ZNF609: variants seen among roughly 807,000 people sequenced by gnomAD.
The protein encoded by ZNF609 is zinc finger protein 609.
ZNF609 carries 11 observed loss-of-function variants against 109.5 expected under a neutral mutation model. The ratio of observed to expected loss-of-function variants is 0.10; its 90% CI spans 0.06 to 0.17. The LOEUF (loss-of-function observed/expected upper bound fraction) is 0.17. ZNF609 is among the 10% of genes least tolerant of loss of function. ZNF609 has a pLI of 1.00. For missense variants in ZNF609, 1,559 were observed against 1,772.4 expected, an observed-to-expected ratio of 0.88 and a Z score of 2.16; for synonymous variants, 646 against 662.0, an observed-to-expected ratio of 0.98 and a Z score of 0.37.
chr15:64,673,134 C>A (rs949617076), intron 4 of ZNF609, among the ~76,000 whole-genome samples: 2 of 152,146 alleles, frequency 1.3e-5, no homozygotes, highest in Non-Finnish European at 2.9e-5. Flanking sequence ...AACAAGGAAG[C>A]AGTAAGTAGC....
chr15:64,593,285 C>G (rs1308501970), intron 2 of ZNF609: 3 of 1,493,648 alleles, frequency 2.0e-6, no homozygotes, highest in African/African-American at 2.7e-5. Context: ...CCGATTTAGA[C>G]CTGCGGGTGC....
chr15:64,543,512 C>T (rs184854482), intron 2 of ZNF609, among the ~76,000 whole-genome samples: 46 of 150,582 alleles, frequency 3.1e-4, no homozygotes, highest in Middle Eastern at 6.8e-3. Flanking sequence ...GGCGTGATCT[C>T]GGCTCACTGC....
chr15:64,479,993 G>T (rs1419882767), intron 1 of ZNF609, among the ~76,000 whole-genome samples: 1 of 34,102 alleles, frequency 2.9e-5, no homozygotes, highest in Non-Finnish European at 1.6e-4. Flanking sequence ...CTAACACTTT[G>T]GGAGGCTTGA....
chr15:64,681,944 A>G lies in ZNF609; in HGVS notation c.*258A>G, dbSNP rs8034064. 13,004 of 153,156 alleles carry G rather than the reference A, an allele frequency of 0.085. 1,848 individuals are homozygous for G. The highest frequency in any genetic ancestry group is 0.3 in the African/African-American group (12,245 of 41,458). 9.5% of individuals were successfully genotyped at this position (153,156 alleles called of 1,614,324 possible). On this transcript the variant is annotated 3_prime_UTR_variant, in exon 10 of 10. Transcript: ENST00000326648. ...TATTCTCTCAGCCACAGTTATGACT[A>G]TTGTGGCCTCTGTGGAGATGAAGGC...
Position 64,609,477 on chromosome 15 carries a change from G to A in ZNF609, c.748-13350G>A, listed in dbSNP as rs998316031. Among the ~76,000 whole-genome samples, 32 of 150,682 alleles carry A rather than the reference G, an allele frequency of 2.1e-4. No homozygotes were observed. The East Asian group carries it at 5.5e-3, about 26-fold the overall frequency. On this transcript the variant is annotated intron_variant, in intron 2 of 9. Coordinates refer to ENST00000326648, the MANE Select transcript of ZNF609 (RefSeq NM_015042.2). ...ATTACAGGCATGAGCCACCGCGCCCGGCCGTATTTTTTTATAGAGACGGGG... is the reference window on the plus strand; with the variant it reads ...ATTACAGGCATGAGCCACCGCGCCCAGCCGTATTTTTTTATAGAGACGGGG...
chr15:64,612,429 G>T (rs927798282), intron 2 of ZNF609, among the ~76,000 whole-genome samples: 1 of 151,780 alleles, frequency 6.6e-6, no homozygotes, highest in African/African-American at 2.4e-5. Context: ...GATTACAGGC[G>T]TGAGCCACTG....
chr15:64,551,730 A>G (rs1262299439), intron 2 of ZNF609, among the ~76,000 whole-genome samples: 8 of 150,080 alleles, frequency 5.3e-5, no homozygotes, highest in Admixed American at 4.0e-4. Flanking sequence ...ACAAGAGAAC[A>G]GCTGATCAAT....
chr15:64,657,920 T>G (rs1364172013), intron 3 of ZNF609, among the ~76,000 whole-genome samples: 1 of 152,158 alleles, frequency 6.6e-6, no homozygotes, highest in East Asian at 1.9e-4. Context: ...AGTTTCCTGC[T>G]TCCTTTACAG....
intron 3 of ZNF609, among the ~76,000 whole-genome samples, chr15:64,662,663 A>G (rs1896596062): frequency 6.7e-6 from 1 of 150,168 alleles, no homozygotes; most frequent in Admixed American, 6.7e-5. Flanking sequence ...TTCTACTAAA[A>G]CTAATAATTT....
intron 1 of ZNF609, among the ~76,000 whole-genome samples, chr15:64,499,042 C>T (rs1893520952): frequency 6.6e-6 from 1 of 152,050 alleles, no homozygotes; most frequent in African/African-American, 2.4e-5. Flanking sequence ...CTAGAGGACT[C>T]CTAGTTAAGA....
Position 64,675,524 on chromosome 15 carries a change from A to T in ZNF609, c.2670A>T (p.Pro890=), listed in dbSNP as rs182944853. The change falls in exon 5 of 10, where the codon CCA becomes CCT. Residue 890 remains proline (P), a synonymous_variant. Transcript: ENST00000326648. The part of the protein sequence containing the change: ...FPPQPQSKDS[P]YYQGFESYYS... ...CTCAGCCTCAGAGCAAAGACTCACC[A>T]TATTACCAAGGCTTTGAGAGTTACT... 1 of 1,614,206 alleles carries T rather than the reference A, an allele frequency of 6.2e-7. No individual in the cohort carries two copies. Among genetic ancestry groups the T allele is most frequent in the Non-Finnish European group, 8.5e-7 (1 of 1,180,044 alleles).
chr15:64,506,844 T>C (rs1893644887), intron 2 of ZNF609, among the ~76,000 whole-genome samples: 1 of 152,156 alleles, frequency 6.6e-6, no homozygotes, highest in Non-Finnish European at 1.5e-5. Context: ...TGAGTGGAAA[T>C]TGGTCTTAGT....
At chr15:64,668,085 C>A (rs1896676587) in intron 3 of ZNF609, among the ~76,000 whole-genome samples, 1 of 151,928 alleles carries the variant, frequency 6.6e-6, no homozygotes, top group Admixed American at 6.6e-5. Flanking sequence ...CCCTAGGGGG[C>A]CAGAAGAAAG....
chr15:64,479,195 A>G (rs1306242145), intron 1 of ZNF609, among the ~76,000 whole-genome samples: 1 of 151,236 alleles, frequency 6.6e-6, no homozygotes, highest in African/African-American at 2.4e-5. Flanking sequence ...AAAGAAATTC[A>G]GTTATAACAA....
At chr15:64,610,460 ATGTACCCC>A (rs1156918552) in intron 2 of ZNF609, among the ~76,000 whole-genome samples, 1 of 152,108 alleles carries the variant, frequency 6.6e-6, no homozygotes, top group African/African-American at 2.4e-5. Context: ...AAACCTGCAT[ATGTACCCC>A]TGAACTTAAA....
chr15:64,552,275 G>C (rs1483677345), intron 2 of ZNF609, among the ~76,000 whole-genome samples: 1 of 152,156 alleles, frequency 6.6e-6, no homozygotes, highest in Non-Finnish European at 1.5e-5. Flanking sequence ...TATTCCTGAA[G>C]TTTTGTAGTT....
chr15:64,529,208 G>A, intron 2 of ZNF609: 1 of 728,582 alleles, frequency 1.4e-6, no homozygotes, highest in East Asian at 2.6e-5. Context: ...CTAAGCAGTT[G>A]GTGATGCAGG....
chr15:64,599,314 G>A (rs577097866), intron 2 of ZNF609, among the ~76,000 whole-genome samples: 1 of 151,276 alleles, frequency 6.6e-6, no homozygotes, highest in South Asian at 2.1e-4. Context: ...TTTTCTTTCA[G>A]TGATGGACTG....
intron 2 of ZNF609, among the ~76,000 whole-genome samples, chr15:64,577,304 CATATATGT>C (rs1177549918): frequency 5.7e-5 from 1 of 17,438 alleles, no homozygotes; most frequent in African/African-American, 8.0e-5. Flanking sequence ...CAAATATATA[CATATATGT>C]ATATATATAC....
Sources: gnomAD v4.1 joint callset for allele counts (sites outside exome capture counted in the v4.1 genomes callset) on GRCh38, gnomAD v4.1.1 for gene constraint, MANE v1.5 for transcripts, NCBI Gene and HGNC (gene_info 2026-07-23, HGNC 2026-07-21) for gene names.